The following BLTP1 variants were observed in gnomAD, a reference collection of about 807,000 sequenced individuals.
The protein encoded by BLTP1 is bridge-like lipid transfer protein family member 1.
chr4:122,256,743 T>C, the BLTP1 span: 1 of 269,040 alleles, frequency 3.7e-6, no homozygotes, highest in Admixed American at 6.5e-5. Flanking sequence ...TTACTGATAA[T>C]ACAGTTAACT....
chr4:122,339,376 C>T, the BLTP1 span: 6 of 1,612,802 alleles, frequency 3.7e-6, no homozygotes, highest in East Asian at 2.2e-5. Flanking sequence ...CAGAGTGGAA[C>T]AAAGACTTCT....
At chr4:122,267,623 A>G in the BLTP1 span, 1 of 980,232 alleles carries the variant, frequency 1.0e-6, no homozygotes, top group Non-Finnish European at 1.2e-6. Flanking sequence ...ATTTTGTATT[A>G]GAAATAGGGC....
At chr4:122,158,585 G>A in the BLTP1 span, among the ~76,000 whole-genome samples, 2 of 152,074 alleles carry the variant, frequency 1.3e-5, no homozygotes, top group Non-Finnish European at 1.5e-5. Flanking sequence ...GGCTAACACG[G>A]TGAAACCCCA....
the BLTP1 span, among the ~76,000 whole-genome samples, chr4:122,319,869 T>G: frequency 6.6e-6 from 1 of 151,888 alleles, no homozygotes; most frequent in Non-Finnish European, 1.5e-5. Context: ...ATGTGTTAAG[T>G]TATGCTTTTT....
chr4:122,281,607 C>T, the BLTP1 span: 4 of 1,613,154 alleles, frequency 2.5e-6, no homozygotes, highest in Non-Finnish European at 3.4e-6. Context: ...GTTAATCAAA[C>T]TCCTGTTGAA....
the BLTP1 span, among the ~76,000 whole-genome samples, chr4:122,271,891 T>C: frequency 2.6e-5 from 4 of 152,154 alleles, no homozygotes; most frequent in Admixed American, 1.3e-4. Flanking sequence ...TCAGATATCC[T>C]GCCACCACAT....
the BLTP1 span, chr4:122,273,426 C>T: frequency 9.1e-6 from 9 of 984,768 alleles, 1 homozygote; most frequent in South Asian, 9.4e-5. Flanking sequence ...CATCAGCCTT[C>T]CCTGGAAATA....
chr4:122,254,442 G>GTATA, the BLTP1 span: 2 of 1,280,488 alleles, frequency 1.6e-6, no homozygotes, highest in East Asian at 5.1e-5. Flanking sequence ...TACTTTTCTG[G>GTATA]TATATATAGT....
At chr4:122,171,598 A>T in the BLTP1 span, among the ~76,000 whole-genome samples, 1 of 150,358 alleles carries the variant, frequency 6.7e-6, no homozygotes, top group African/African-American at 2.4e-5. Context: ...CTGTTGGGGA[A>T]TTGAGGCCCA....
the BLTP1 span, among the ~76,000 whole-genome samples, chr4:122,357,276 ATGG>A: frequency 6.6e-6 from 1 of 152,084 alleles, no homozygotes; most frequent in South Asian, 2.1e-4. Flanking sequence ...TAAGAAATGT[ATGG>A]TGGCTGGGGG....
chr4:122,196,833 T>C, the BLTP1 span: 4 of 1,134,156 alleles, frequency 3.5e-6, no homozygotes, highest in South Asian at 8.2e-5. Flanking sequence ...TATTTAAAAT[T>C]TTGACATTAT....
the BLTP1 span, chr4:122,301,394 C>A: frequency 5.8e-6 from 9 of 1,561,536 alleles, no homozygotes; most frequent in Non-Finnish European, 7.0e-6. Flanking sequence ...ACTTGCAGTT[C>A]AAGGTAACAT....
chr4:122,329,352 C>G, the BLTP1 span, among the ~76,000 whole-genome samples: 5 of 151,506 alleles, frequency 3.3e-5, no homozygotes, highest in African/African-American at 1.2e-4. Context: ...GTCAATGTGA[C>G]TTAAGTTTTT....
At chr4:122,352,880 A>G in the BLTP1 span, 3 of 1,611,840 alleles carry the variant, frequency 1.9e-6, no homozygotes, top group East Asian at 4.5e-5. Context: ...ACTTCAGGAT[A>G]TGTGTTTTTT....
chr4:122,244,444 T>A, the BLTP1 span: 1 of 161,894 alleles, frequency 6.2e-6, no homozygotes, highest in African/African-American at 2.4e-5. Flanking sequence ...CAGTCTGCGC[T>A]TGGTTAAATG....
chr4:122,192,202 CT>C, the BLTP1 span: 10 of 1,606,324 alleles, frequency 6.2e-6, no homozygotes, highest in Non-Finnish European at 8.5e-6. Flanking sequence ...AAATAACTGC[CT>C]TTATATTGTA....
the BLTP1 span, chr4:122,304,832 G>A: frequency 6.2e-7 from 1 of 1,613,846 alleles, no homozygotes; most frequent in Non-Finnish European, 8.5e-7. Flanking sequence ...CCATCAATGA[G>A]AGCTGTAAGA....
At chr4:122,179,664 G>C in the BLTP1 span, among the ~76,000 whole-genome samples, 4 of 152,008 alleles carry the variant, frequency 2.6e-5, no homozygotes, top group African/African-American at 9.7e-5. Context: ...AGAAACACAG[G>C]GAAAAGGACA....
the BLTP1 span, among the ~76,000 whole-genome samples, chr4:122,190,944 C>G: frequency 1.3e-5 from 2 of 152,062 alleles, no homozygotes; most frequent in Non-Finnish European, 2.9e-5. Context: ...GACATTTGTG[C>G]TAATGGTGCA....
Sources: allele counts gnomAD v4.1 joint callset (sites outside exome capture counted in the v4.1 genomes callset), GRCh38; gene constraint gnomAD v4.1.1; transcripts MANE v1.5; gene names NCBI Gene and HGNC (gene_info 2026-07-23, HGNC 2026-07-21).